ADAMTS20: variants seen among roughly 807,000 people sequenced by gnomAD.
The protein encoded by ADAMTS20 is ADAM metallopeptidase with thrombospondin type 1 motif 20.
ADAMTS20 carries 225 observed loss-of-function variants against 260.1 expected under a neutral mutation model. That is an observed-to-expected ratio of 0.87 (90% CI 0.78 to 0.97). ADAMTS20 has a LOEUF of 0.97. ADAMTS20 is among the 50% of genes least tolerant of loss of function. The pLI is 0.00. For missense variants in ADAMTS20, 2,400 were observed against 2,337.7 expected, an observed-to-expected ratio of 1.03 and a Z score of -0.55; for synonymous variants, 802 against 769.5, an observed-to-expected ratio of 1.04 and a Z score of -0.70.
intron 16 of ADAMTS20, among the ~76,000 whole-genome samples, chr12:43,442,477 C>T (rs1051381497): frequency 1.3e-5 from 2 of 152,042 alleles, no homozygotes; most frequent in African/African-American, 2.4e-5. Flanking sequence ...AGGCTGGTCT[C>T]GAACTCCTGA....
chr12:43,358,945 A>G (rs1260852744), intron 37 of ADAMTS20, among the ~76,000 whole-genome samples: 1 of 142,084 alleles, frequency 7.0e-6, no homozygotes, highest in African/African-American at 2.8e-5. Context: ...GTGAGTGTGA[A>G]TAAGTGTGTT....
chr12:43,464,835 T>C, intron 9 of ADAMTS20, 103 bp from the exon 10 acceptor site: 2 of 1,271,476 alleles, frequency 1.6e-6, no homozygotes. Context: ...AAAGAGAATA[T>C]CAGTATTTAT....
intron 37 of ADAMTS20, among the ~76,000 whole-genome samples, chr12:43,358,557 G>A (rs1048156520): frequency 4.6e-5 from 7 of 151,994 alleles, no homozygotes; most frequent in Admixed American, 2.6e-4. Flanking sequence ...AAAGTAATTC[G>A]GACGGGCGCG....
intron 9 of ADAMTS20, 95 bp from the exon 10 acceptor site, chr12:43,464,827 A>G (rs915185178): frequency 7.7e-7 from 1 of 1,302,734 alleles, no homozygotes; most frequent in African/African-American, 1.5e-5. Context: ...TTACTTTCAA[A>G]GAGAATATCA....
intron 28 of ADAMTS20, among the ~76,000 whole-genome samples, chr12:43,409,533 C>T: frequency 7.7e-6 from 1 of 129,272 alleles, no homozygotes; most frequent in South Asian, 2.5e-4. Flanking sequence ...ACCCGGGAGG[C>T]GGAGCTTGCA....
intron 3 of ADAMTS20, among the ~76,000 whole-genome samples, chr12:43,518,041 T>C (rs538533492): frequency 1.3e-5 from 2 of 152,210 alleles, no homozygotes; most frequent in African/African-American, 4.8e-5. Flanking sequence ...TATTGATAAA[T>C]CAAGTTCTTA....
chr12:43,531,923 A>C, intron 3 of ADAMTS20, 113 bp downstream of exon 3: 3 of 760,832 alleles, frequency 3.9e-6, no homozygotes, highest in Non-Finnish European at 5.3e-6. Context: ...GAATTTAAAA[A>C]ATTAATTAAA....
At position 43,477,053 on chromosome 12, in the gene ADAMTS20, T is replaced by TA. The variant is rs75788250; in HGVS notation, c.1118-8349dup. Among the ~76,000 whole-genome samples, 1,151 of 118,052 alleles carry TA rather than the reference T, an allele frequency of 9.7e-3. 10 individuals carry two copies. Among genetic ancestry groups the TA allele is most frequent in the African/African-American group, 0.026 (855 of 33,068 alleles). 77.4% of individuals were successfully genotyped at this position (118,052 alleles called of 152,430 possible). A position where few individuals can be genotyped will look rare whatever the true frequency, so the allele number is the denominator to read the frequency against. ...ATGATTTAAATAAAAGACCTCTAAA[T>TA]AAAAAAAAAAAAAAAACAATTACCT... On this transcript the variant is annotated intron_variant, in intron 7 of 38. Transcript: ENST00000389420.
intron 2 of ADAMTS20, among the ~76,000 whole-genome samples, chr12:43,535,966 T>C (rs1277775403): frequency 1.3e-5 from 2 of 152,126 alleles, no homozygotes; most frequent in African/African-American, 4.8e-5. Flanking sequence ...AAATGGTCAA[T>C]TTATGTAGAT....
chr12:43,475,428 C>T (rs1323550551), intron 7 of ADAMTS20, among the ~76,000 whole-genome samples: 2 of 139,158 alleles, frequency 1.4e-5, no homozygotes, highest in Non-Finnish European at 3.1e-5. Flanking sequence ...AGGTAATTTA[C>T]AGATTCAATG....
intron 26 of ADAMTS20, among the ~76,000 whole-genome samples, chr12:43,427,721 A>G (rs550816538): frequency 9.2e-5 from 14 of 152,290 alleles, no homozygotes; most frequent in East Asian, 3.9e-4. Flanking sequence ...CATTTCTATC[A>G]TAAGTGTTAA....
intron 28 of ADAMTS20, among the ~76,000 whole-genome samples, chr12:43,412,266 A>G (rs183323356): frequency 1.3e-5 from 2 of 152,336 alleles, no homozygotes; most frequent in Admixed American, 1.3e-4. Context: ...GAAATGTAAG[A>G]TCTGATATAC....
intron 11 of ADAMTS20, among the ~76,000 whole-genome samples, chr12:43,455,086 T>C (rs1415187737): frequency 1.3e-5 from 2 of 152,202 alleles, no homozygotes; most frequent in Non-Finnish European, 1.5e-5. Flanking sequence ...TAACCACCAT[T>C]CTACTTTCTG....
chr12:43,549,565 G>A (rs1329267500), intron 2 of ADAMTS20, among the ~76,000 whole-genome samples: 1 of 152,162 alleles, frequency 6.6e-6, no homozygotes, highest in East Asian at 1.9e-4. Context: ...GCTTTTCCAT[G>A]AGAAAACATA....
chr12:43,528,644 AC>A (rs1007373629), intron 3 of ADAMTS20, among the ~76,000 whole-genome samples: 3 of 152,082 alleles, frequency 2.0e-5, no homozygotes, highest in East Asian at 1.9e-4. Flanking sequence ...CTCCCCTTGT[AC>A]AAAAATCAAC....
intron 3 of ADAMTS20, 72 bp from the exon 4 acceptor site, chr12:43,502,477 A>G (rs1770685313): frequency 7.1e-7 from 1 of 1,408,162 alleles, no homozygotes; most frequent in Non-Finnish European, 9.6e-7. Flanking sequence ...AAAAAATAGA[A>G]CAGCCAAAAA....
chr12:43,432,472 A>T lies in ADAMTS20; in HGVS notation c.2932-4T>A. 1 of 1,586,346 alleles carries T rather than the reference A, an allele frequency of 6.3e-7. No homozygotes were observed. Among genetic ancestry groups the T allele is most frequent in the Middle Eastern group, 1.7e-4 (1 of 5,950 alleles). On this transcript the variant is annotated splice_polypyrimidine_tract_variant and splice_region_variant and intron_variant, in intron 20 of 38. Transcript: ENST00000389420. ...CTCCTCCACAACTCCTGGAACACTG[A>T]TTAAAAAAAAAAAAGTGGTAACTAA...
chr12:43,366,175 A>AG (rs1319838166), intron 37 of ADAMTS20, among the ~76,000 whole-genome samples: 2 of 151,966 alleles, frequency 1.3e-5, no homozygotes, highest in East Asian at 3.9e-4. Flanking sequence ...ATTCTAACAG[A>AG]GCTGGAGTGG....
intron 28 of ADAMTS20, among the ~76,000 whole-genome samples, chr12:43,413,525 T>G (rs896443550): frequency 3.3e-5 from 5 of 152,316 alleles, no homozygotes; most frequent in Admixed American, 3.3e-4. Flanking sequence ...ATTTCAGAGA[T>G]ATTTTAATTT....
Sources: allele counts gnomAD v4.1 joint callset (sites outside exome capture counted in the v4.1 genomes callset), GRCh38; gene constraint gnomAD v4.1.1; transcripts MANE v1.5; gene names NCBI Gene and HGNC (gene_info 2026-07-23, HGNC 2026-07-21).